BMAL2: variants seen among roughly 807,000 people sequenced by gnomAD.
BMAL2 encodes the protein basic helix-loop-helix ARNT like 2.
chr12:27,385,383 A>G, the BMAL2 span: 8 of 679,596 alleles, frequency 1.2e-5, no homozygotes, highest in South Asian at 3.8e-5. Context: ...AGAATGTGCC[A>G]AAGAGCAAAT....
chr12:27,380,492 T>A, the BMAL2 span: 2 of 1,418,962 alleles, frequency 1.4e-6, no homozygotes, highest in Non-Finnish European at 2.0e-6. Flanking sequence ...CTGTCAGCTG[T>A]TGAGGTTCTA....
chr12:27,368,299 T>C, the BMAL2 span: 47 of 1,614,196 alleles, frequency 2.9e-5, no homozygotes, highest in Non-Finnish European at 4.0e-5. Context: ...GCATTGCTCC[T>C]GTGGTTTCCA....
chr12:27,332,915 C>A, the BMAL2 span: 1 of 345,608 alleles, frequency 2.9e-6, no homozygotes, highest in Non-Finnish European at 4.4e-6. Context: ...CCCGTGCGCG[C>A]CTACGGGCTG....
At chr12:27,417,624 C>T in the BMAL2 span, among the ~76,000 whole-genome samples, 3 of 152,188 alleles carry the variant, frequency 2.0e-5, no homozygotes, top group Admixed American at 6.5e-5. Flanking sequence ...ACATGGTCCT[C>T]GGGAAAAGCA....
the BMAL2 span, among the ~76,000 whole-genome samples, chr12:27,358,155 A>T: frequency 6.6e-6 from 1 of 152,174 alleles, no homozygotes; most frequent in Non-Finnish European, 1.5e-5. Context: ...TATACATCTG[A>T]CAAAGGACTA....
At chr12:27,408,310 A>G in the BMAL2 span, among the ~76,000 whole-genome samples, 3 of 152,234 alleles carry the variant, frequency 2.0e-5, no homozygotes, top group Non-Finnish European at 2.9e-5. Flanking sequence ...TTTTAGACCA[A>G]TATCCCTGAT....
At chr12:27,387,744 C>A in the BMAL2 span, among the ~76,000 whole-genome samples, 12 of 152,210 alleles carry the variant, frequency 7.9e-5, no homozygotes, top group Non-Finnish European at 1.3e-4. Context: ...GCAACACTCT[C>A]TGAAATACAT....
At chr12:27,420,427 A>C in the BMAL2 span, 2 of 1,613,994 alleles carry the variant, frequency 1.2e-6, no homozygotes, top group South Asian at 1.1e-5. Context: ...TCGATGCCCT[A>C]TGTGACAATG....
the BMAL2 span, among the ~76,000 whole-genome samples, chr12:27,398,802 G>A: frequency 6.6e-6 from 1 of 152,208 alleles, no homozygotes. Flanking sequence ...ATTTTCAGTA[G>A]AGTGGAATAT....
the BMAL2 span, among the ~76,000 whole-genome samples, chr12:27,369,299 TG>T: frequency 4.6e-5 from 7 of 150,904 alleles, no homozygotes; most frequent in Middle Eastern, 3.4e-3. Flanking sequence ...TCTTTTTTGG[TG>T]GGGGGGGTGG....
chr12:27,343,509 A>G, the BMAL2 span, among the ~76,000 whole-genome samples: 1 of 152,124 alleles, frequency 6.6e-6, no homozygotes, highest in Non-Finnish European at 1.5e-5. Context: ...CATTGTGTCT[A>G]CTATTTGCTC....
the BMAL2 span, among the ~76,000 whole-genome samples, chr12:27,417,305 A>AT: frequency 1.3e-5 from 2 of 152,232 alleles, no homozygotes; most frequent in Admixed American, 1.3e-4. Flanking sequence ...CTCCAAAGCA[A>AT]TATTTCCCAT....
At chr12:27,388,002 G>C in the BMAL2 span, among the ~76,000 whole-genome samples, 2 of 152,050 alleles carry the variant, frequency 1.3e-5, no homozygotes, top group African/African-American at 4.8e-5. Flanking sequence ...ATTGAAAACC[G>C]ATGAAACCTT....
the BMAL2 span, chr12:27,417,979 C>T: frequency 1.1e-4 from 67 of 586,542 alleles, 1 homozygote; most frequent in Non-Finnish European, 1.4e-4. Context: ...GGCAACACAG[C>T]GAGCCTCCAT....
At chr12:27,397,645 T>G in the BMAL2 span, among the ~76,000 whole-genome samples, 1 of 152,208 alleles carries the variant, frequency 6.6e-6, no homozygotes, top group Non-Finnish European at 1.5e-5. Flanking sequence ...AACATTGACA[T>G]TTTAAAAAAT....
At chr12:27,372,904 A>G in the BMAL2 span, among the ~76,000 whole-genome samples, 1 of 152,102 alleles carries the variant, frequency 6.6e-6, no homozygotes, top group African/African-American at 2.4e-5. Flanking sequence ...CGATCTCCTG[A>G]CCTCGTGATC....
At chr12:27,417,092 G>A in the BMAL2 span, among the ~76,000 whole-genome samples, 9 of 152,142 alleles carry the variant, frequency 5.9e-5, no homozygotes, top group African/African-American at 1.7e-4. Context: ...GGCAGGATGC[G>A]AGAAACAGAT....
chr12:27,420,257 G>C, the BMAL2 span: 5 of 1,009,780 alleles, frequency 5.0e-6, no homozygotes, highest in South Asian at 4.7e-5. Flanking sequence ...TATATACTTT[G>C]CCTTCAAAAA....
At chr12:27,400,936 C>T in the BMAL2 span, among the ~76,000 whole-genome samples, 29,637 of 151,818 alleles carry the variant, frequency 0.2, 3,285 homozygotes, top group East Asian at 0.46. Context: ...AGTAAATTTG[C>T]TTAAGCCAAC....
Sources: allele counts gnomAD v4.1 joint callset (sites outside exome capture counted in the v4.1 genomes callset), GRCh38; gene constraint gnomAD v4.1.1; transcripts MANE v1.5; gene names NCBI Gene and HGNC (gene_info 2026-07-23, HGNC 2026-07-21).